Variants in AGAP6 observed in about 807,000 individuals in gnomAD.
AGAP6 encodes ArfGAP with GTPase domain, ankyrin repeat and PH domain 6.
Under a neutral mutation model 63.9 loss-of-function variants are expected in AGAP6, and 29 were observed. That is an observed-to-expected ratio of 0.45 (90% CI 0.34 to 0.62). The LOEUF is 0.62. Among genes scored for constraint, AGAP6 ranks in the 20% least tolerant of loss-of-function variants. AGAP6 has a pLI of 0.01. For synonymous variants in AGAP6, 199 were observed against 332.9 expected, an observed-to-expected ratio of 0.60 and a Z score of 4.38; for missense variants, 493 against 884.9, an observed-to-expected ratio of 0.56 and a Z score of 5.62.
At chr10:50,003,913 A>G (rs1204582794) in intron 5 of AGAP6, among the ~76,000 whole-genome samples, 1 of 152,250 alleles carries the variant, frequency 6.6e-6, no homozygotes, top group South Asian at 2.1e-4. Flanking sequence ...TTGAAGCACT[A>G]TAGACATATC....
At chr10:49,999,312 A>G (rs1260382279) in intron 4 of AGAP6, among the ~76,000 whole-genome samples, 1 of 135,918 alleles carries the variant, frequency 7.4e-6, no homozygotes, top group Non-Finnish European at 1.5e-5. Context: ...ATTAACATAC[A>G]CAAGTCAATA....
chr10:49,994,264 A>C (rs1841395901), intron 3 of AGAP6, 131 bp from the exon 4 acceptor site: 2 of 1,045,508 alleles, frequency 1.9e-6, no homozygotes, highest in African/African-American at 3.3e-5. Flanking sequence ...TAAATTATAA[A>C]TTATTGAAAA....
intron 6 of AGAP6, among the ~76,000 whole-genome samples, chr10:50,006,424 C>T (rs1402719041): frequency 6.6e-6 from 1 of 152,042 alleles, no homozygotes; most frequent in African/African-American, 2.4e-5. Context: ...TTTTTTAGAC[C>T]GAGTTTCACT....
At chr10:50,004,002 T>C (rs1554863401) in intron 5 of AGAP6, among the ~76,000 whole-genome samples, 1 of 152,206 alleles carries the variant, frequency 6.6e-6, no homozygotes, top group Non-Finnish European at 1.5e-5. Flanking sequence ...GAGATTTGCC[T>C]TCCCTCAGTT....
rs554830646 is a variant in AGAP6 at position 49,995,923 on chromosome 10, C to T, written c.396+1494C>T. On this transcript the variant is annotated intron_variant, in intron 4 of 7. Transcript: ENST00000412531. The stretch of plus-strand genomic sequence containing the variant: ...TTTACAACCAGGTTTTAGTTATCTG[C>T]GGAAGCTTTTTAGAATCTCTCTCTC... 2.2e-3 allele frequency among the ~76,000 whole-genome samples: 339 copies of T among 152,162 alleles called. 2 individuals carry two copies. The highest frequency in any genetic ancestry group is 7.8e-3 in the African/African-American group (326 of 41,532).
In AGAP6 at chr10:49,988,810, A is replaced by G. The variant is rs561010845; in HGVS notation, c.95A>G (p.Tyr32Cys). The G allele has an allele frequency of 5.6e-6, 9 of 1,596,754 alleles. No individual in the cohort carries two copies. Among genetic ancestry groups the G allele is most frequent in the Admixed American group, 5.0e-5 (3 of 59,922 alleles). ...GSVCPSESET[Y>C]EAGARDRMAG... ...GTGTGTCCCTCTGAATCTGAGACCT[A>G]TGAGGCAGGAGCTAGGGACAGGATG... Residue 32 changes from tyrosine to cysteine, a missense_variant, in exon 1 of 8, where the codon TAT becomes TGT. Coordinates refer to ENST00000412531, the MANE Select transcript of AGAP6 (RefSeq NM_001077665.3).
At chr10:50,007,014 T>C (rs1336047440) in intron 6 of AGAP6, among the ~76,000 whole-genome samples, 1 of 150,918 alleles carries the variant, frequency 6.6e-6, no homozygotes, top group Non-Finnish European at 1.5e-5. Context: ...CAAGTGTCAA[T>C]GAAAAAGCAG....
At position 49,991,261 on chromosome 10, in the gene AGAP6, A is replaced by C. The variant is rs535820604; in HGVS notation, c.293-415A>C. Among the ~76,000 whole-genome samples, 116 of 151,466 alleles carry C rather than the reference A, an allele frequency of 7.7e-4. 1 individual carries two copies. Among genetic ancestry groups the C allele is most frequent in the African/African-American group, 2.6e-3 (107 of 41,280 alleles). ...AATTTACTTTTTAAAAATTTTAAAA[A>C]CTCTAGAATACATCTTATATTTTGC... is the stretch of plus-strand genomic sequence containing the variant. On this transcript the variant is annotated intron_variant, in intron 2 of 7. Coordinates refer to ENST00000412531, the MANE Select transcript of AGAP6 (RefSeq NM_001077665.3).
At position 49,999,469 on chromosome 10, in the gene AGAP6, T is replaced by C. The variant is rs187335575; in HGVS notation, c.397-2527T>C. ...AGCATAGAAGGGTCACAGCTCAATA[T>C]AAGAAAAGCCATCTATGACAAACCC... On this transcript the variant is annotated intron_variant, in intron 4 of 7. Transcript: ENST00000412531. Among the ~76,000 whole-genome samples the C allele has an allele frequency of 2.0e-3, 282 of 139,906 alleles. 38 individuals are homozygous for C. The highest frequency in any genetic ancestry group is 7.4e-3 in the African/African-American group (271 of 36,538). The allele number at this position is 139,906 out of a possible 152,430, so 91.8% of individuals were successfully genotyped here.
intron 2 of AGAP6, among the ~76,000 whole-genome samples, chr10:49,989,759 G>A (rs1841196108): frequency 6.6e-6 from 1 of 152,208 alleles, no homozygotes; most frequent in Admixed American, 6.5e-5. Context: ...GAAAAAAGGA[G>A]AGTGCTTAAA....
At chr10:50,001,246 C>T (rs1367254284) in intron 4 of AGAP6, among the ~76,000 whole-genome samples, 7 of 149,960 alleles carry the variant, frequency 4.7e-5, no homozygotes, top group African/African-American at 1.5e-4. Flanking sequence ...AGGAGAATGG[C>T]GTGAACCCGG....
chr10:50,005,349 C>G (rs1459373846), intron 6 of AGAP6, among the ~76,000 whole-genome samples: 2 of 152,180 alleles, frequency 1.3e-5, no homozygotes, highest in Non-Finnish European at 2.9e-5. Flanking sequence ...CGGTGGCTCA[C>G]GCCTGTAATC....
chr10:49,992,331 T>C (rs1554861218), intron 3 of AGAP6, among the ~76,000 whole-genome samples: 1 of 152,134 alleles, frequency 6.6e-6, no homozygotes, highest in Non-Finnish European at 1.5e-5. Context: ...TTTCCCTCAA[T>C]GTTATGTTAA....
intron 4 of AGAP6, among the ~76,000 whole-genome samples, chr10:49,996,035 A>AT (rs1216393306): frequency 5.9e-5 from 9 of 151,412 alleles, no homozygotes; most frequent in Non-Finnish European, 1.0e-4. Flanking sequence ...CTTCTTGAGA[A>AT]TTTTTTTTTA....
chr10:49,992,772 T>G (rs1376614249), intron 3 of AGAP6, among the ~76,000 whole-genome samples: 5 of 152,124 alleles, frequency 3.3e-5, no homozygotes, highest in East Asian at 1.9e-4. Context: ...CTTTTTTTTT[T>G]TTGTTTTGAT....
At chr10:49,999,239 CAA>C (rs1232519812) in intron 4 of AGAP6, among the ~76,000 whole-genome samples, 7 of 116,230 alleles carry the variant, frequency 6.0e-5, no homozygotes, top group Admixed American at 1.0e-4. Flanking sequence ...GACTCCATCT[CAA>C]AAAAAAAAAA....
At chr10:49,995,557 C>T (rs1554861765) in intron 4 of AGAP6, among the ~76,000 whole-genome samples, 1 of 152,154 alleles carries the variant, frequency 6.6e-6, no homozygotes, top group South Asian at 2.1e-4. Context: ...GGGCAACTTT[C>T]TTTGGCCTTT....
At position 50,008,833 on chromosome 10, in the gene AGAP6, T is replaced by C; in HGVS notation, c.708T>C (p.Thr236=). The C allele has an allele frequency of 3.1e-6, 5 of 1,614,108 alleles. No individual in the cohort carries two copies. The highest frequency in any genetic ancestry group is 4.2e-6 in the Non-Finnish European group (5 of 1,180,014). Residue 236 remains threonine, a synonymous_variant, in exon 8 of 8, where the codon ACT becomes ACC. Transcript: ENST00000412531. ...QEDPQFSVPP[T]ANTPTPVCKR... ...ACCCTCAGTTCAGTGTTCCTCCCAC[T>C]GCCAACACACCCACGCCCGTTTGCA...
At position 50,010,003 on chromosome 10, in the gene AGAP6, G is replaced by T. The variant is rs781983993; in HGVS notation, c.1878G>T (p.Thr626=). ...NETCGEGDGC[T]ALHLACRKGN... The stretch of plus-strand genomic sequence containing the variant: ...CCTGTGGGGAGGGAGACGGCTGCAC[G>T]GCGCTCCATCTGGCCTGCCGCAAGG... The change falls in exon 8 of 8, where the codon ACG becomes ACT. Residue 626 remains threonine, a synonymous_variant. Transcript: ENST00000412531. 5 of 1,611,694 alleles carry T rather than the reference G, an allele frequency of 3.1e-6. No homozygotes were observed. Among genetic ancestry groups the T allele is most frequent in the Non-Finnish European group, 3.4e-6 (4 of 1,179,816 alleles).
Sources: gnomAD v4.1 joint callset for allele counts (sites outside exome capture counted in the v4.1 genomes callset) on GRCh38, gnomAD v4.1.1 for gene constraint, MANE v1.5 for transcripts, NCBI Gene and HGNC (gene_info 2026-07-23, HGNC 2026-07-21) for gene names.